SLIT3: variants seen among roughly 807,000 people sequenced by gnomAD.
The protein encoded by SLIT3 is slit guidance ligand 3.
Under a neutral mutation model 184.0 loss-of-function variants are expected in SLIT3, and 68 were observed. The ratio of observed to expected loss-of-function variants is 0.37; its 90% confidence interval spans 0.30 to 0.45. The LOEUF (loss-of-function observed/expected upper bound fraction) is 0.45. SLIT3 is among the 20% of genes least tolerant of loss of function. The probability of loss-of-function intolerance (pLI) is 1.00; values close to 1 mark genes in which losing one functional copy is unlikely to be tolerated. For missense variants in SLIT3, 1,707 were observed against 2,026.0 expected, an observed-to-expected ratio of 0.84 and a Z score of 3.02; for synonymous variants, 831 against 828.6, an observed-to-expected ratio of 1.00 and a Z score of -0.05.
chr5:168,957,455 A>T (rs1236278351), intron 4 of SLIT3, among the ~76,000 whole-genome samples: 1 of 152,114 alleles, frequency 6.6e-6, no homozygotes, highest in Non-Finnish European at 1.5e-5. Flanking sequence ...CTCAGACATC[A>T]CTTTGGACAT....
At chr5:168,841,250 G>T (rs776975651) in intron 6 of SLIT3, among the ~76,000 whole-genome samples, 21 of 152,218 alleles carry the variant, frequency 1.4e-4, no homozygotes, top group Non-Finnish European at 2.6e-4. Flanking sequence ...TCTGAGATGG[G>T]CTACTTTTTT....
intron 4 of SLIT3, among the ~76,000 whole-genome samples, chr5:169,002,354 A>AG (rs1755742221): frequency 6.9e-6 from 1 of 145,722 alleles, no homozygotes; most frequent in Non-Finnish European, 1.5e-5. Flanking sequence ...AAAAAAAAAA[A>AG]AGAAAAAAAG....
intron 4 of SLIT3, among the ~76,000 whole-genome samples, chr5:169,184,499 G>A (rs1763270351): frequency 6.6e-6 from 1 of 152,160 alleles, no homozygotes; most frequent in South Asian, 2.1e-4. Flanking sequence ...CTCAAAAGAT[G>A]TTTGGTTCCT....
intron 4 of SLIT3, among the ~76,000 whole-genome samples, chr5:169,072,040 A>G (rs570101869): frequency 1.3e-5 from 2 of 152,338 alleles, no homozygotes; most frequent in Admixed American, 6.5e-5. Flanking sequence ...TAGCCAAAGC[A>G]TCCTTTATGT....
At chr5:168,737,613 G>A (rs2113417863) in intron 20 of SLIT3, among the ~76,000 whole-genome samples, 1 of 152,250 alleles carries the variant, frequency 6.6e-6, no homozygotes, top group South Asian at 2.1e-4. Context: ...TCAAGTTATA[G>A]GACAACAAAT....
intron 4 of SLIT3, among the ~76,000 whole-genome samples, chr5:169,104,942 C>A (rs1216635642): frequency 1.3e-5 from 2 of 152,146 alleles, no homozygotes. Context: ...AAGAAACATG[C>A]GCGCCATTTT....
At position 168,666,747 on chromosome 5, in the gene SLIT3, G is replaced by C; in HGVS notation, c.4337-58C>G. ...GTCTAGGTGGCCAGCAGGACCATGA[G>C]CAGTTCCCAGGTAGGCTGCTTTGAA... On this transcript the variant is annotated intron_variant, in intron 35 of 35. Transcript: ENST00000519560. The C allele has an allele frequency of 3.1e-6, 5 of 1,611,752 alleles. No individual in the cohort carries two copies. In the South Asian group the frequency reaches 5.5e-5, roughly 18 times the overall value.
At chr5:168,731,029 A>G (rs1350386084) in intron 20 of SLIT3, among the ~76,000 whole-genome samples, 1 of 151,990 alleles carries the variant, frequency 6.6e-6, no homozygotes, top group African/African-American at 2.4e-5. Context: ...AAAATTGATA[A>G]ATCACTAGCT....
At chr5:169,170,584 C>T (rs55811961) in intron 4 of SLIT3, among the ~76,000 whole-genome samples, 19,035 of 152,202 alleles carry the variant, frequency 0.13, 1,345 homozygotes, top group South Asian at 0.24. Context: ...GGAGACAACA[C>T]GCCCCTCTAA....
chr5:169,221,006 A>G (rs1384987043), intron 3 of SLIT3, among the ~76,000 whole-genome samples: 1 of 152,220 alleles, frequency 6.6e-6, no homozygotes, highest in African/African-American at 2.4e-5. Context: ...TTCTCGAGAC[A>G]AAGTGCTTTG....
intron 9 of SLIT3, among the ~76,000 whole-genome samples, chr5:168,800,866 C>G (rs1756743467): frequency 6.6e-6 from 1 of 152,206 alleles, no homozygotes; most frequent in Non-Finnish European, 1.5e-5. Flanking sequence ...TGCATGGGAA[C>G]TTGAGACTAA....
intron 4 of SLIT3, among the ~76,000 whole-genome samples, chr5:169,159,510 TC>T (rs1561704827): frequency 6.6e-6 from 1 of 151,812 alleles, no homozygotes; most frequent in Non-Finnish European, 1.5e-5. Context: ...GCGCGGTAGC[TC>T]ACGCCTGTAA....
At chr5:169,165,514 A>G (rs1194705448) in intron 4 of SLIT3, among the ~76,000 whole-genome samples, 1 of 152,236 alleles carries the variant, frequency 6.6e-6, no homozygotes, top group Non-Finnish European at 1.5e-5. Flanking sequence ...AGTGCGTTAC[A>G]TTTATTGTGA....
At chr5:169,222,928 CA>C (rs1764659369) in intron 3 of SLIT3, among the ~76,000 whole-genome samples, 1 of 152,096 alleles carries the variant, frequency 6.6e-6, no homozygotes, top group South Asian at 2.1e-4. Context: ...GTTCACTCAA[CA>C]AGGAGACAGA....
chr5:168,847,610 T>G (rs1758517750), intron 5 of SLIT3, among the ~76,000 whole-genome samples: 1 of 152,198 alleles, frequency 6.6e-6, no homozygotes, highest in African/African-American at 2.4e-5. Context: ...AAATACACAC[T>G]TGGTTCAGAC....
At chr5:169,205,646 T>G (rs761944126) in intron 3 of SLIT3, among the ~76,000 whole-genome samples, 41 of 152,228 alleles carry the variant, frequency 2.7e-4, no homozygotes, top group Non-Finnish European at 5.3e-4. Flanking sequence ...CTACTCCACT[T>G]ATCTAACAGA....
intron 4 of SLIT3, among the ~76,000 whole-genome samples, chr5:169,020,765 G>T (rs1008425594): frequency 7.9e-5 from 12 of 152,208 alleles, no homozygotes; most frequent in Non-Finnish European, 1.3e-4. Context: ...AGGGGAAAGA[G>T]AAACACGCAG....
intron 3 of SLIT3, among the ~76,000 whole-genome samples, chr5:169,211,487 C>T (rs1019714932): frequency 1.3e-5 from 2 of 152,118 alleles, no homozygotes; most frequent in African/African-American, 2.4e-5. Flanking sequence ...CTCCCTATCC[C>T]GTTACCCCTC....
intron 4 of SLIT3, among the ~76,000 whole-genome samples, chr5:169,001,022 T>C (rs1249590818): frequency 6.6e-6 from 1 of 152,246 alleles, no homozygotes; most frequent in Non-Finnish European, 1.5e-5. Context: ...GTTAGGAAAG[T>C]TGTGATATGA....
Sources: gnomAD v4.1 joint callset for allele counts (sites outside exome capture counted in the v4.1 genomes callset) on GRCh38, gnomAD v4.1.1 for gene constraint, MANE v1.5 for transcripts, NCBI Gene and HGNC (gene_info 2026-07-23, HGNC 2026-07-21) for gene names.